The following LIMCH1 variants were observed in gnomAD, a reference collection of about 807,000 sequenced individuals.
The protein encoded by LIMCH1 is LIM and calponin homology domains 1, also known as LIM and calponin homology domains-containing protein 1.
Under a neutral mutation model 176.5 loss-of-function variants are expected in LIMCH1, and 113 were observed. The observed-to-expected ratio is 0.64, with a 90% CI of 0.55 to 0.75. LIMCH1 has a LOEUF of 0.75. LIMCH1 is among the 30% of genes least tolerant of loss of function. The pLI is 0.00. For synonymous variants in LIMCH1, 619 were observed against 645.9 expected (o/e 0.96, Z 0.63); for missense variants, 1,674 against 1,814.9 (o/e 0.92, Z 1.41).
chr4:41,543,418 A>C (rs2152483206), intron 1 of LIMCH1, among the ~76,000 whole-genome samples: 1 of 152,318 alleles, frequency 6.6e-6, no homozygotes, highest in Non-Finnish European at 1.5e-5. Flanking sequence ...CTTACATTTA[A>C]GAAAATTGGA....
At chr4:41,667,098 CAA>C (rs375444963) in intron 21 of LIMCH1, among the ~76,000 whole-genome samples, 4 of 133,570 alleles carry the variant, frequency 3.0e-5, no homozygotes, top group East Asian at 2.2e-4. Context: ...AGAGCTGTGA[CAA>C]AAAAAAAAAA....
intron 1 of LIMCH1, among the ~76,000 whole-genome samples, chr4:41,469,918 G>A (rs1275576067): frequency 6.6e-6 from 1 of 152,062 alleles, no homozygotes; most frequent in East Asian, 1.9e-4. Flanking sequence ...CTGATCTCGT[G>A]ATCTGCCTGC....
chr4:41,422,838 G>A (rs542051724), intron 1 of LIMCH1, among the ~76,000 whole-genome samples: 9 of 152,106 alleles, frequency 5.9e-5, no homozygotes, highest in South Asian at 4.2e-4. Flanking sequence ...GCTCACTGCC[G>A]CCTTGACCTC....
chr4:41,498,098 G>A (rs1227507313), intron 2 of LIMCH1, among the ~76,000 whole-genome samples: 4 of 152,118 alleles, frequency 2.6e-5, no homozygotes, highest in South Asian at 4.1e-4. Context: ...AGAAGGCAGC[G>A]TCAATAAAAG....
Position 41,403,748 on chromosome 4 carries a change from C to A in LIMCH1, c.96+42812C>A, listed in dbSNP as rs1285628342. ...TTATACACTTAATTCCCATAGCAAG[C>A]CTCATTAATCTCATTAATTCCATGC... On this transcript the variant is annotated intron_variant, in intron 1 of 26. Coordinates refer to the LIMCH1 transcript ENST00000313860. Among the ~76,000 whole-genome samples the A allele has an allele frequency of 2.6e-5, 4 of 152,138 alleles. No individual in the cohort carries two copies. The East Asian group carries it at 7.7e-4, about 29-fold the overall frequency.
intron 3 of LIMCH1, among the ~76,000 whole-genome samples, chr4:41,530,331 GT>G (rs755643113): frequency 1.3e-5 from 2 of 152,164 alleles, no homozygotes; most frequent in Non-Finnish European, 2.9e-5. Context: ...GTGTCTAGCT[GT>G]CAAGAAAAGG....
chr4:41,518,615 G>A (rs1047678471), intron 2 of LIMCH1, among the ~76,000 whole-genome samples: 3 of 152,110 alleles, frequency 2.0e-5, no homozygotes, highest in Admixed American at 6.5e-5. Flanking sequence ...TGTGCAGAAC[G>A]TGCAGGTTTG....
intron 22 of LIMCH1, among the ~76,000 whole-genome samples, chr4:41,675,667 C>G (rs1021715760): frequency 7.2e-5 from 11 of 152,066 alleles, no homozygotes; most frequent in South Asian, 2.1e-4. Context: ...CCCCACCCCC[C>G]ACCTGTACCC....
intron 2 of LIMCH1, among the ~76,000 whole-genome samples, chr4:41,495,136 G>T (rs2071865060): frequency 6.6e-6 from 1 of 152,186 alleles, no homozygotes. Context: ...GTGTTTTAAA[G>T]AATTCAGGGC....
At chr4:41,439,800 A>T (rs1419086978) in intron 1 of LIMCH1, among the ~76,000 whole-genome samples, 1 of 152,014 alleles carries the variant, frequency 6.6e-6, no homozygotes, top group Non-Finnish European at 1.5e-5. Flanking sequence ...GCTGCTCTGG[A>T]GGCTGAGGCA....
chr4:41,597,494 A>C (rs372191255), intron 1 of LIMCH1, among the ~76,000 whole-genome samples: 1 of 152,150 alleles, frequency 6.6e-6, no homozygotes, highest in Non-Finnish European at 1.5e-5. Flanking sequence ...ACCAATGGTT[A>C]TCTCTCATTT....
intron 1 of LIMCH1, among the ~76,000 whole-genome samples, chr4:41,470,862 G>A (rs13147083): frequency 3.9e-4 from 59 of 151,486 alleles, no homozygotes; most frequent in African/African-American, 1.3e-3. Context: ...TGTCTCTATT[G>A]TCTAGGGCCT....
At chr4:41,371,400 A>G (rs1393381008) in intron 1 of LIMCH1, among the ~76,000 whole-genome samples, 1 of 152,186 alleles carries the variant, frequency 6.6e-6, no homozygotes, top group South Asian at 2.1e-4. Flanking sequence ...ATGAACCATC[A>G]TCAGTGGGTG....
intron 1 of LIMCH1, among the ~76,000 whole-genome samples, chr4:41,444,313 T>C (rs572435188): frequency 1.6e-3 from 218 of 134,196 alleles, no homozygotes; most frequent in East Asian, 7.0e-3. Flanking sequence ...TGTATATATA[T>C]ACACACACAC....
intron 1 of LIMCH1, 46 bp downstream of exon 1, chr4:41,538,396 A>G: frequency 2.1e-6 from 2 of 961,860 alleles, no homozygotes; most frequent in South Asian, 9.6e-5. Context: ...AGGGGTATCC[A>G]TGATGGAAAG....
At chr4:41,390,259 A>T (rs2057059599) in intron 1 of LIMCH1, among the ~76,000 whole-genome samples, 1 of 151,628 alleles carries the variant, frequency 6.6e-6, no homozygotes, top group South Asian at 2.1e-4. Context: ...AGAGAGAGAG[A>T]GAGAGAGAGA....
At chr4:41,569,839 C>T (rs946862824) in intron 1 of LIMCH1, among the ~76,000 whole-genome samples, 33 of 152,108 alleles carry the variant, frequency 2.2e-4, no homozygotes, top group African/African-American at 7.2e-4. Flanking sequence ...TGAAAAATAA[C>T]CTGTTGATTA....
intron 1 of LIMCH1, among the ~76,000 whole-genome samples, chr4:41,375,278 T>A (rs2054566990): frequency 6.6e-6 from 1 of 152,200 alleles, no homozygotes; most frequent in Admixed American, 6.5e-5. Context: ...ATTGTTTTAC[T>A]CCTATTTTTA....
At chr4:41,436,936 T>C (rs2062148238) in intron 1 of LIMCH1, among the ~76,000 whole-genome samples, 1 of 152,196 alleles carries the variant, frequency 6.6e-6, no homozygotes, top group Non-Finnish European at 1.5e-5. Flanking sequence ...CAATGTCTCC[T>C]AGGTAATATG....
Sources: allele counts gnomAD v4.1 joint callset (sites outside exome capture counted in the v4.1 genomes callset), GRCh38; gene constraint gnomAD v4.1.1; transcripts MANE v1.5; gene names NCBI Gene and HGNC (gene_info 2026-07-23, HGNC 2026-07-21).